FAM117A: variants seen among roughly 807,000 people sequenced by gnomAD.
The protein encoded by FAM117A is family with sequence similarity 117 member A.
FAM117A carries 21 observed loss-of-function variants against 44.1 expected under a neutral mutation model. That is an observed-to-expected ratio of 0.48 (90% CI 0.34 to 0.69). The LOEUF (loss-of-function observed/expected upper bound fraction) is 0.69. FAM117A is among the 30% of genes least tolerant of loss of function. FAM117A has a pLI of 0.01. For synonymous variants in FAM117A, 220 were observed against 238.3 expected (o/e 0.92, Z 0.71); for missense variants, 498 against 589.9 (o/e 0.84, Z 1.61).
At position 49,784,864 on chromosome 17, in the gene FAM117A, C is replaced by T. The variant is rs1414665704; in HGVS notation, c.-621+3633G>A. ...TTTAGGGGAAAGTTGGTGTTTTGTC[C>T]ATGGGGTATAACTCAGTGCCTGGTA... is the stretch of plus-strand genomic sequence containing the variant. On this transcript the variant is annotated intron_variant, in intron 1 of 7. Transcript: ENST00000513602. Among the ~76,000 whole-genome samples, 3 of 152,142 alleles carry T rather than the reference C, an allele frequency of 2.0e-5. No homozygotes were observed. In the East Asian group the frequency reaches 5.8e-4, roughly 29 times the overall value.
chr17:49,774,938 G>T (rs967903568), intron 1 of FAM117A, among the ~76,000 whole-genome samples: 1 of 152,144 alleles, frequency 6.6e-6, no homozygotes, highest in Admixed American at 6.5e-5. Flanking sequence ...CTTGGAAGGG[G>T]TCTGTGCGAG....
chr17:49,756,171 C>T (rs997336450), intron 1 of FAM117A, among the ~76,000 whole-genome samples: 4 of 152,080 alleles, frequency 2.6e-5, no homozygotes, highest in Non-Finnish European at 5.9e-5. Flanking sequence ...AATATATTGA[C>T]ACTTTTTTTT....
intron 1 of FAM117A, among the ~76,000 whole-genome samples, chr17:49,762,304 C>G (rs2073725261): frequency 6.6e-6 from 1 of 152,114 alleles, no homozygotes; most frequent in Non-Finnish European, 1.5e-5. Context: ...CAAGGAAGCC[C>G]AAACAAAACC....
intron 7 of FAM117A, among the ~76,000 whole-genome samples, chr17:49,715,741 T>C (rs908677514): frequency 6.6e-5 from 10 of 152,216 alleles, no homozygotes; most frequent in South Asian, 6.2e-4. Context: ...TCTACTCCAG[T>C]GGGGCTGAAA....
chr17:49,781,064 C>A (rs1270588762), intron 1 of FAM117A, among the ~76,000 whole-genome samples: 2 of 152,114 alleles, frequency 1.3e-5, no homozygotes, highest in Non-Finnish European at 2.9e-5. Flanking sequence ...CTCTACCCAA[C>A]CTTGGCCTCC....
chr17:49,717,401 T>A, intron 6 of FAM117A, 112 bp downstream of exon 6: 1 of 811,940 alleles, frequency 1.2e-6, no homozygotes, highest in Admixed American at 2.6e-5. Flanking sequence ...CATAAAGATA[T>A]TCTAGTAGGG....
chr17:49,782,008 G>A (rs72839114), intron 1 of FAM117A, among the ~76,000 whole-genome samples: 7,346 of 151,900 alleles, frequency 0.048, 309 homozygotes, highest in East Asian at 0.22. Context: ...TGTAAATAAT[G>A]AGTGTATCTA....
intron 1 of FAM117A, among the ~76,000 whole-genome samples, chr17:49,751,093 A>G (rs1372771494): frequency 6.6e-6 from 1 of 152,092 alleles, no homozygotes; most frequent in Non-Finnish European, 1.5e-5. Context: ...CAGCCTGGCC[A>G]ACATGGCAAA....
chr17:49,722,863 C>G (rs957883260), intron 2 of FAM117A, among the ~76,000 whole-genome samples: 1 of 152,104 alleles, frequency 6.6e-6, no homozygotes, highest in African/African-American at 2.4e-5. Flanking sequence ...TATATGATAT[C>G]CCAGTTATTC....
intron 1 of FAM117A, among the ~76,000 whole-genome samples, chr17:49,753,632 A>G (rs571343538): frequency 1.6e-4 from 25 of 152,166 alleles, no homozygotes; most frequent in Non-Finnish European, 1.8e-4. Flanking sequence ...CCTGGCCAAC[A>G]TGGTGAAACC....
chr17:49,758,639 AAAT>A (rs1461743296), intron 1 of FAM117A, among the ~76,000 whole-genome samples: 96 of 35,108 alleles, frequency 2.7e-3, no homozygotes, highest in African/African-American at 8.9e-3. Context: ...AAAAAAAATA[AAAT>A]AAATAAATAA....
At chr17:49,772,304 A>T (rs2073763416) in intron 1 of FAM117A, among the ~76,000 whole-genome samples, 1 of 151,650 alleles carries the variant, frequency 6.6e-6, no homozygotes, top group African/African-American at 2.4e-5. Context: ...AAAAAAAAAA[A>T]GTATCATCAA....
chr17:49,734,032 A>G (rs1414116166), intron 1 of FAM117A, among the ~76,000 whole-genome samples: 1 of 151,584 alleles, frequency 6.6e-6, no homozygotes, highest in East Asian at 1.9e-4. Context: ...AGTCCCAGCT[A>G]CTCGGGAGGC....
At chr17:49,740,385 G>C (rs1198103583) in intron 1 of FAM117A, among the ~76,000 whole-genome samples, 1 of 152,000 alleles carries the variant, frequency 6.6e-6, no homozygotes, top group African/African-American at 2.4e-5. Context: ...GAGTAGCTGG[G>C]ACTACAGGCG....
At chr17:49,726,274 G>A (rs1348986956) in intron 2 of FAM117A, among the ~76,000 whole-genome samples, 1 of 151,988 alleles carries the variant, frequency 6.6e-6, no homozygotes, top group Admixed American at 6.6e-5. Flanking sequence ...GTGCAATGGC[G>A]CAATCTTGGC....
chr17:49,764,012 G>A lies in FAM117A; in HGVS notation c.76C>T (p.Arg26Trp). 2.5e-6 allele frequency: 3 copies of A among 1,201,834 alleles called. No homozygotes were observed. The highest frequency in any genetic ancestry group is 3.1e-6 in the Non-Finnish European group (3 of 963,764). The allele number at this position is 1,201,834 out of a possible 1,614,324, so 74.4% of individuals were successfully genotyped here. A position where few individuals can be genotyped will look rare whatever the true frequency, so the allele number is the denominator to read the frequency against. ...GCGGGGGCTGGGGGAGAGCAGCCCC[G>A]CCGGAGCCCCCCGGCCCCTCCGCGC... is the stretch of plus-strand genomic sequence containing the variant. ...PGRGGAGGLR[R>W]GCSPPAPAGS... The change falls in exon 1 of 8, where the codon CGG becomes TGG. Residue 26 changes from arginine to tryptophan, a missense_variant. This residue lies in a region of FAM117A where 270 missense variants were observed against 277.4 expected (regional missense o/e 0.97). Coordinates refer to ENST00000240364, the MANE Select transcript of FAM117A (RefSeq NM_030802.4).
chr17:49,758,631 A>AT (rs1417492875), intron 1 of FAM117A, among the ~76,000 whole-genome samples: 5 of 120,942 alleles, frequency 4.1e-5, no homozygotes, highest in African/African-American at 6.7e-5. Context: ...CAAAAAAAAA[A>AT]AAAAATAAAA....
intron 1 of FAM117A, among the ~76,000 whole-genome samples, chr17:49,739,295 G>C (rs186137404): frequency 6.6e-6 from 1 of 152,112 alleles, no homozygotes; most frequent in Non-Finnish European, 1.5e-5. Context: ...CCCTCTATCC[G>C]TAGGCCTACA....
At chr17:49,754,914 T>A (rs959502111) in intron 1 of FAM117A, among the ~76,000 whole-genome samples, 3 of 151,518 alleles carry the variant, frequency 2.0e-5, no homozygotes, top group Admixed American at 2.0e-4. Flanking sequence ...GGTACATGCC[T>A]GTAATCCCAG....
Sources: gnomAD v4.1 joint callset for allele counts (sites outside exome capture counted in the v4.1 genomes callset) on GRCh38, gnomAD v4.1.1 for gene constraint, gnomAD v4.1.1 regional missense constraint, MANE v1.5 for transcripts, NCBI Gene and HGNC (gene_info 2026-07-23, HGNC 2026-07-21) for gene names.